Variants in FAT3 observed in about 807,000 individuals in gnomAD.
The protein encoded by FAT3 is FAT atypical cadherin 3.
Under a neutral mutation model 310.2 loss-of-function variants are expected in FAT3, and 95 were observed. That is an observed-to-expected ratio of 0.31 (90% CI 0.26 to 0.36). The LOEUF (loss-of-function observed/expected upper bound fraction) is 0.36. Ranked by LOEUF, FAT3 falls within the 10% of genes least tolerant of loss-of-function variation. The pLI is 1.00. For synonymous variants in FAT3, 2,314 were observed against 2,192.9 expected (o/e 1.06, Z -1.54); for missense variants, 5,408 against 5,715.6 (o/e 0.95, Z 1.74).
At chr11:92,567,092 G>T (rs1955485120) in intron 3 of FAT3, among the ~76,000 whole-genome samples, 1 of 152,090 alleles carries the variant, frequency 6.6e-6, no homozygotes, top group Non-Finnish European at 1.5e-5. Flanking sequence ...CCATCAGAGT[G>T]AACAGGCAAC....
chr11:92,292,157 G>A (rs1009348574), intron 1 of FAT3, among the ~76,000 whole-genome samples: 7 of 152,016 alleles, frequency 4.6e-5, no homozygotes. Context: ...GATATTGGTT[G>A]CCTGTAATCA....
At chr11:92,304,589 T>C (rs1947075042) in intron 1 of FAT3, among the ~76,000 whole-genome samples, 1 of 152,128 alleles carries the variant, frequency 6.6e-6, no homozygotes, top group Non-Finnish European at 1.5e-5. Context: ...TCTGCAGTTG[T>C]CTGTCAGTTG....
chr11:92,532,143 G>A (rs910483188), intron 3 of FAT3, among the ~76,000 whole-genome samples: 4 of 151,950 alleles, frequency 2.6e-5, no homozygotes, highest in South Asian at 2.1e-4. Context: ...TATGTAATAC[G>A]TGTGTATGTA....
rs1343324149 is a variant in FAT3, at chr11:92,891,128, G to T, written c.*15G>T. The T allele has an allele frequency of 6.2e-7, 1 of 1,610,208 alleles. No individual in the cohort carries two copies. Among genetic ancestry groups the T allele is most frequent in the Non-Finnish European group, 8.5e-7 (1 of 1,177,940 alleles). On this transcript the variant is annotated 3_prime_UTR_variant, in exon 28 of 28. Coordinates refer to ENST00000525166, the MANE Select transcript of FAT3 (RefSeq NM_001367949.2). ...CTCAAGTGTAGACATCACATCTTGG[G>T]TACTTCACCCTGTTTGTTACAGAAA...
intron 3 of FAT3, among the ~76,000 whole-genome samples, chr11:92,649,351 T>A (rs1294327582): frequency 1.3e-5 from 2 of 152,206 alleles, no homozygotes; most frequent in Non-Finnish European, 2.9e-5. Context: ...ATTTAAAGAA[T>A]TGCTTGTACT....
At chr11:92,572,994 A>G (rs551533) in intron 3 of FAT3, among the ~76,000 whole-genome samples, 112,793 of 152,056 alleles carry the variant, frequency 0.74, 44,103 homozygotes, top group Non-Finnish European at 0.88. Context: ...ACAATGATTA[A>G]TTGTACAAAA....
chr11:92,272,395 A>G (rs1208273015), intron 1 of FAT3, among the ~76,000 whole-genome samples: 2 of 152,170 alleles, frequency 1.3e-5, no homozygotes, highest in African/African-American at 4.8e-5. Flanking sequence ...AGTTCCTAGT[A>G]AATGCATGAC....
intron 4 of FAT3, among the ~76,000 whole-genome samples, chr11:92,720,652 T>G (rs1392251493): frequency 6.6e-6 from 1 of 152,220 alleles, no homozygotes; most frequent in South Asian, 2.1e-4. Context: ...TACCCTCAAC[T>G]GTTTTCATTT....
chr11:92,837,740 T>A lies in FAT3; in HGVS notation c.10302T>A (p.Ile3434=), dbSNP rs1331578612. 6.2e-7 allele frequency: 1 copy of A among 1,613,884 alleles called. No homozygotes were observed. The highest frequency in any genetic ancestry group is 1.3e-5 in the African/African-American group (1 of 74,928). The change falls in exon 17 of 28, where the codon ATT becomes ATA. Residue 3434 remains isoleucine, a synonymous_variant. Transcript: ENST00000525166. The stretch of plus-strand genomic sequence containing the variant: ...TGTCATCAACTGCAACTGTCAACAT[T>A]GATATTTCTGATGTGAATGACAACA... The part of the protein sequence containing the change: ...PAMSSTATVN[I]DISDVNDNSP...
At chr11:92,587,338 G>A (rs1011207568) in intron 3 of FAT3, among the ~76,000 whole-genome samples, 1 of 151,862 alleles carries the variant, frequency 6.6e-6, no homozygotes, top group African/African-American at 2.4e-5. Context: ...CTGTTGGACT[G>A]TTTTACACTT....
intron 1 of FAT3, among the ~76,000 whole-genome samples, chr11:92,344,411 T>G (rs1240316354): frequency 6.6e-6 from 1 of 152,176 alleles, no homozygotes; most frequent in Non-Finnish European, 1.5e-5. Context: ...AGTAGCCATT[T>G]TGTTATCAGA....
At chr11:92,692,080 A>G (rs961801865) in intron 3 of FAT3, among the ~76,000 whole-genome samples, 10 of 152,174 alleles carry the variant, frequency 6.6e-5, no homozygotes, top group African/African-American at 2.2e-4. Context: ...TCCTTTGTGC[A>G]TAAGATTAAA....
chr11:92,542,937 G>A (rs756477591), intron 3 of FAT3, among the ~76,000 whole-genome samples: 1 of 152,038 alleles, frequency 6.6e-6, no homozygotes, highest in Non-Finnish European at 1.5e-5. Context: ...GTGTCCATCC[G>A]TGGGTAAATA....
In FAT3 at chr11:92,882,188, C is replaced by T. The variant is rs954262387; in HGVS notation, c.12282-550C>T. Among the ~76,000 whole-genome samples the T allele has an allele frequency of 5.1e-4, 77 of 152,104 alleles. 1 individual carries two copies. The highest frequency in any genetic ancestry group is 8.8e-5 in the Non-Finnish European group (6 of 68,016). On this transcript the variant is annotated intron_variant, in intron 23 of 27. Transcript: ENST00000525166. ...AAACTGTTTTGAGGCTCTTTCTACT[C>T]TTTATTTCTCTCATTTAGTGTGAAT...
intron 1 of FAT3, among the ~76,000 whole-genome samples, chr11:92,252,434 T>C (rs963437949): frequency 2.0e-5 from 3 of 152,072 alleles, no homozygotes; most frequent in Admixed American, 6.6e-5. Flanking sequence ...CAGTATGACA[T>C]GGTTATACTG....
At chr11:92,848,822 G>A (rs1413997393) in intron 19 of FAT3, among the ~76,000 whole-genome samples, 1 of 152,220 alleles carries the variant, frequency 6.6e-6, no homozygotes, top group Non-Finnish European at 1.5e-5. Flanking sequence ...TTTGCTCAGT[G>A]TATAAAGAGG....
intron 2 of FAT3, among the ~76,000 whole-genome samples, chr11:92,474,244 A>T (rs1951988506): frequency 6.6e-6 from 1 of 152,196 alleles, no homozygotes; most frequent in Admixed American, 6.5e-5. Context: ...TCCATCTGCT[A>T]ATGAAGAGTG....
At chr11:92,551,496 C>G (rs867606823) in intron 3 of FAT3, among the ~76,000 whole-genome samples, 1 of 150,730 alleles carries the variant, frequency 6.6e-6, no homozygotes, top group Non-Finnish European at 1.5e-5. Flanking sequence ...TTTGGATTAA[C>G]TCAATTTTCA....
chr11:92,777,294 A>G (rs1946623099), intron 7 of FAT3, among the ~76,000 whole-genome samples: 1 of 152,224 alleles, frequency 6.6e-6, no homozygotes, highest in South Asian at 2.1e-4. Flanking sequence ...ACAAATGTCA[A>G]ATAAATCAGA....
Sources: gnomAD v4.1 joint callset for allele counts (sites outside exome capture counted in the v4.1 genomes callset) on GRCh38, gnomAD v4.1.1 for gene constraint, MANE v1.5 for transcripts, NCBI Gene and HGNC (gene_info 2026-07-23, HGNC 2026-07-21) for gene names.